SHROOM4: variants seen among roughly 807,000 people sequenced by gnomAD.
SHROOM4 encodes shroom family member 4.
Under a neutral mutation model 80.3 loss-of-function variants are expected in SHROOM4, and 17 were observed. The ratio of observed to expected loss-of-function variants is 0.21; its 90% CI spans 0.14 to 0.32. The LOEUF (loss-of-function observed/expected upper bound fraction) is 0.32, where lower values mean the gene tolerates loss of function less well. Ranked by LOEUF, SHROOM4 falls within the 10% of genes least tolerant of loss-of-function variation. The pLI is 1.00. For synonymous variants in SHROOM4, 400 were observed against 437.5 expected (o/e 0.91, Z 1.07); for missense variants, 993 against 1,140.3 (o/e 0.87, Z 1.86).
chrX:50,635,650 C>G lies in SHROOM4; in HGVS notation c.423G>C (p.Trp141Cys). 8.3e-7 allele frequency: 1 copy of G among 1,208,989 alleles called. No homozygotes were observed. Among genetic ancestry groups the G allele is most frequent in the Non-Finnish European group, 1.1e-6 (1 of 894,845 alleles). Residue 141 changes from tryptophan (W) to cysteine (C), a missense_variant, in exon 4 of 9, where the codon TGG becomes TGC. Coordinates refer to ENST00000376020, the MANE Select transcript of SHROOM4 (RefSeq NM_020717.5). ...GCNTSDVCVQ[W>C]CPLSRHCSTE... ...TGCTGCAATGCCGGGAGAGTGGACA[C>G]CACTGCACACACACGTCACTGTAAG...
intron 2 of SHROOM4, among the ~76,000 whole-genome samples, chrX:50,686,056 C>T (rs1279200883): frequency 1.8e-5 from 2 of 110,903 alleles, no homozygotes; most frequent in African/African-American, 6.6e-5. Context: ...GAGACAGAGT[C>T]TGGCTCTGTC....
In SHROOM4 at chrX:50,595,130, C is replaced by A. The variant is rs150234671; in HGVS notation, c.*1565G>T. The A allele has an allele frequency of 0.011, 1,180 of 112,346 alleles. 8 individuals carry two copies. Among genetic ancestry groups the A allele is most frequent in the Middle Eastern group, 0.032 (7 of 219 alleles). The allele number at this position is 112,346 out of a possible 1,213,427, so 9.3% of individuals were successfully genotyped here. A position where few individuals can be genotyped will look rare whatever the true frequency, so the allele number is the denominator to read the frequency against. Reference sequence around the variant, plus strand: ...AGGCCTTGGCTGGGTTGTGTGATACCAAGGATTGGCCCCAGTTAGTGAGGA... The same window carrying A: ...AGGCCTTGGCTGGGTTGTGTGATACAAAGGATTGGCCCCAGTTAGTGAGGA... On this transcript the variant is annotated 3_prime_UTR_variant, in exon 9 of 9. Coordinates refer to ENST00000376020, the MANE Select transcript of SHROOM4 (RefSeq NM_020717.5).
intron 1 of SHROOM4, among the ~76,000 whole-genome samples, chrX:50,705,468 TTTAAG>T (rs1269462154): frequency 2.7e-5 from 3 of 111,584 alleles, no homozygotes; most frequent in Non-Finnish European, 5.6e-5. Context: ...AGACCTGCTT[TTTAAG>T]TTAAGGCTGG....
Position 50,631,583 on chromosome X carries a change from T to C in SHROOM4, c.2895+1595A>G, listed in dbSNP as rs782610934. On this transcript the variant is annotated intron_variant, in intron 4 of 8. Transcript: ENST00000376020. ...GAGAAAGGAAGACACTAAATTCTAT[T>C]TGGAGATGGCATGATTGTGTATGTA... Among the ~76,000 whole-genome samples the C allele has an allele frequency of 2.7e-5, 3 of 112,176 alleles. No homozygotes were observed. In the East Asian group the frequency reaches 8.4e-4, roughly 31 times the overall value.
chrX:50,732,830 T>C (rs1934401817), intron 1 of SHROOM4, among the ~76,000 whole-genome samples: 1 of 112,120 alleles, frequency 8.9e-6, no homozygotes, highest in Non-Finnish European at 1.9e-5. Flanking sequence ...TGAATTCTAC[T>C]AAACATTCAA....
intron 2 of SHROOM4, among the ~76,000 whole-genome samples, chrX:50,672,556 A>T (rs1342747012): frequency 1.8e-5 from 2 of 111,653 alleles, no homozygotes; most frequent in Non-Finnish European, 3.8e-5. Context: ...ATGCCAAAAG[A>T]TCTAACATTC....
At chrX:50,659,318 T>C (rs1932417746) in intron 2 of SHROOM4, among the ~76,000 whole-genome samples, 1 of 111,478 alleles carries the variant, frequency 9.0e-6, no homozygotes, top group Non-Finnish European at 1.9e-5. Flanking sequence ...GTCCAAGTGA[T>C]GTATAATGCA....
intron 1 of SHROOM4, among the ~76,000 whole-genome samples, chrX:50,794,265 T>C (rs1402292025): frequency 3.6e-5 from 4 of 111,259 alleles, no homozygotes; most frequent in African/African-American, 1.3e-4. Context: ...TGAAATATAA[T>C]TAAATTGGTA....
intron 2 of SHROOM4, among the ~76,000 whole-genome samples, chrX:50,655,541 A>G (rs1432768565): frequency 9.4e-6 from 1 of 106,901 alleles, no homozygotes; most frequent in Non-Finnish European, 1.9e-5. Flanking sequence ...TATATTATAT[A>G]TAACATATAT....
chrX:50,618,166 T>G (rs1557251080), intron 5 of SHROOM4, among the ~76,000 whole-genome samples: 1 of 110,981 alleles, frequency 9.0e-6, no homozygotes, highest in African/African-American at 3.3e-5. Context: ...GTACAGAAAT[T>G]TGCAACTCTG....
intron 1 of SHROOM4, among the ~76,000 whole-genome samples, chrX:50,742,586 C>T (rs1224049230): frequency 6.3e-5 from 6 of 94,930 alleles, no homozygotes; most frequent in East Asian, 3.2e-4. Context: ...GAATAATCCT[C>T]GATTAGTATT....
intron 1 of SHROOM4, among the ~76,000 whole-genome samples, chrX:50,754,623 G>T (rs1299542491): frequency 1.8e-5 from 2 of 111,140 alleles, no homozygotes; most frequent in Non-Finnish European, 3.8e-5. Flanking sequence ...GCCAATCAAT[G>T]CAGTCCCCTC....
chrX:50,769,237 G>A (rs782744920), intron 1 of SHROOM4, among the ~76,000 whole-genome samples: 1 of 108,335 alleles, frequency 9.2e-6, no homozygotes, highest in South Asian at 4.1e-4. Flanking sequence ...GAGGGAGGGA[G>A]GAAGGAAAGA....
intron 1 of SHROOM4, among the ~76,000 whole-genome samples, chrX:50,785,651 T>C (rs1557270995): frequency 9.0e-6 from 1 of 111,644 alleles, no homozygotes; most frequent in African/African-American, 3.3e-5. Flanking sequence ...AGCACATCAA[T>C]GGTTGCCTGG....
At chrX:50,722,105 C>T (rs781816363) in intron 1 of SHROOM4, among the ~76,000 whole-genome samples, 2 of 112,190 alleles carry the variant, frequency 1.8e-5, no homozygotes, top group African/African-American at 3.2e-5. Context: ...GGCTTCTTCT[C>T]TTTCTTTCTT....
chrX:50,616,514 T>C (rs927726195), intron 5 of SHROOM4, among the ~76,000 whole-genome samples: 4 of 111,796 alleles, frequency 3.6e-5, no homozygotes, highest in African/African-American at 1.3e-4. Flanking sequence ...ATGTTGAGGG[T>C]ACATGCTTAA....
intron 2 of SHROOM4, among the ~76,000 whole-genome samples, chrX:50,651,439 C>CT (rs1932054928): frequency 1.8e-5 from 2 of 110,871 alleles, no homozygotes; most frequent in African/African-American, 6.6e-5. Flanking sequence ...TTTCTATGTC[C>CT]CCCAACCCCC....
At chrX:50,696,863 A>AAAAGC (rs782756623) in intron 1 of SHROOM4, among the ~76,000 whole-genome samples, 6 of 112,264 alleles carry the variant, frequency 5.3e-5, no homozygotes, top group African/African-American at 1.3e-4. Context: ...TGGGGCAGGC[A>AAAAGC]AAAGCAAAGC....
In SHROOM4 at chrX:50,634,160, G is replaced by A. The variant is rs200014853; in HGVS notation, c.1913C>T (p.Ser638Phe). 8.3e-7 allele frequency: 1 copy of A among 1,209,798 alleles called. No homozygotes were observed. Among genetic ancestry groups the A allele is most frequent in the Non-Finnish European group, 1.1e-6 (1 of 895,195 alleles). ...AGGTTTTTTACATGAAGATAGAAGA[G>A]ATGTGTTAGAGGCAGTGAGTGGAGG... Reference protein sequence around the residue: ...ESPPLTASNTSLLSSCKKPPS... With the variant: ...ESPPLTASNTFLLSSCKKPPS... The change falls in exon 4 of 9, where the codon TCT becomes TTT. Residue 638 changes from serine to phenylalanine, a missense_variant. Coordinates refer to ENST00000376020, the MANE Select transcript of SHROOM4 (RefSeq NM_020717.5).
Sources: allele counts gnomAD v4.1 joint callset (sites outside exome capture counted in the v4.1 genomes callset), GRCh38; gene constraint gnomAD v4.1.1; transcripts MANE v1.5; gene names NCBI Gene and HGNC (gene_info 2026-07-23, HGNC 2026-07-21).